The following GABRB1 variants were observed in gnomAD, a reference collection of about 807,000 sequenced individuals.
GABRB1 encodes gamma-aminobutyric acid receptor subunit beta-1.
In GABRB1, 17 loss-of-function variants were observed where a neutral mutation model predicts 51.6. That is an observed-to-expected ratio of 0.33 (90% confidence interval 0.23 to 0.49). The LOEUF (loss-of-function observed/expected upper bound fraction) is 0.49. Among genes scored for constraint, GABRB1 ranks in the 20% least tolerant of loss-of-function variants. The probability of loss-of-function intolerance (pLI) is 0.99; values close to 1 mark genes in which losing one functional copy is unlikely to be tolerated. For missense variants in GABRB1, 410 were observed against 600.6 expected, an observed-to-expected ratio of 0.68 and a Z score of 3.32; for synonymous variants, 247 against 218.9, an observed-to-expected ratio of 1.13 and a Z score of -1.14.
chr4:47,201,959 C>G (rs1192893718), intron 4 of GABRB1, among the ~76,000 whole-genome samples: 2 of 152,112 alleles, frequency 1.3e-5, no homozygotes. Flanking sequence ...CCCCCAACCC[C>G]AGCCAAGTAT....
In GABRB1 at chr4:47,132,418, TTTGGTTTGGTTTGG is replaced by T. The variant is rs1434024433; in HGVS notation, c.241-28828_241-28815del. 1.6e-3 allele frequency among the ~76,000 whole-genome samples: 248 copies of T among 151,580 alleles called. 1 individual carries two copies. Among genetic ancestry groups the T allele is most frequent in the African/African-American group, 5.4e-3 (224 of 41,242 alleles). Reference sequence around the variant, plus strand: ...TTTGGTTTGGTTTGGTTTGGTTTGGTTTGGTTTGGTTTGGTTTGGTTTGGTTTGGATTGCATCAC... The same window carrying T: ...TTTGGTTTGGTTTGGTTTGGTTTGGTTTTGGTTTGGTTTGGATTGCATCAC... On this transcript the variant is annotated intron_variant, in intron 3 of 8. Coordinates refer to ENST00000295454, the MANE Select transcript of GABRB1 (RefSeq NM_000812.4).
intron 4 of GABRB1, among the ~76,000 whole-genome samples, chr4:47,195,988 C>T (rs1194882783): frequency 6.6e-6 from 1 of 152,196 alleles, no homozygotes; most frequent in African/African-American, 2.4e-5. Context: ...CTAGACATTC[C>T]TGCTTGTGTG....
At chr4:47,200,152 A>C (rs113426769) in intron 4 of GABRB1, among the ~76,000 whole-genome samples, 4 of 152,322 alleles carry the variant, frequency 2.6e-5, no homozygotes, top group African/African-American at 4.8e-5. Flanking sequence ...AGACACAATG[A>C]GAAGCTGGTA....
At chr4:47,225,275 G>A (rs771681008) in intron 4 of GABRB1, among the ~76,000 whole-genome samples, 2 of 152,078 alleles carry the variant, frequency 1.3e-5, no homozygotes, top group Non-Finnish European at 2.9e-5. Flanking sequence ...TCCATGCCGC[G>A]GAATTATAGA....
At chr4:47,030,011 C>T (rs141365386), upstream of GABRB1, among the ~76,000 whole-genome samples, 1,243 of 152,060 alleles carry the variant, frequency 8.2e-3, 14 homozygotes, top group African/African-American at 0.028. Flanking sequence ...CTTTTATTTA[C>T]CCCCTCATTC....
At chr4:47,019,941 T>TGTATAC (rs1238261948) in intron 1 of GABRB1, among the ~76,000 whole-genome samples, 6 of 146,632 alleles carry the variant, frequency 4.1e-5, no homozygotes, top group East Asian at 4.1e-4. Context: ...TATACGTATA[T>TGTATAC]GTATATGTAT....
chr4:47,378,302 GC>G (rs1727462276), intron 5 of GABRB1, among the ~76,000 whole-genome samples: 1 of 152,228 alleles, frequency 6.6e-6, no homozygotes, highest in Non-Finnish European at 1.5e-5. Context: ...TAGGTGCTAA[GC>G]CCCTCATTGC....
intron 3 of GABRB1, among the ~76,000 whole-genome samples, chr4:47,140,138 ACAC>A (rs1716866252): frequency 7.1e-6 from 1 of 141,320 alleles, no homozygotes; most frequent in Non-Finnish European, 1.5e-5. Context: ...ACACACACAC[ACAC>A]AAGATTCCAA....
intron 4 of GABRB1, among the ~76,000 whole-genome samples, chr4:47,222,736 A>AGTT (rs1053687106): frequency 3.3e-4 from 51 of 152,256 alleles, no homozygotes; most frequent in African/African-American, 1.2e-3. Context: ...CAAACAAAAC[A>AGTT]GTTGTCTTAA....
chr4:47,312,554 T>C (rs1214161880), intron 4 of GABRB1, among the ~76,000 whole-genome samples: 1 of 152,186 alleles, frequency 6.6e-6, no homozygotes, highest in Non-Finnish European at 1.5e-5. Flanking sequence ...CTTCAAACAC[T>C]CTATTGAGTG....
chr4:47,335,599 A>C (rs930700826), intron 5 of GABRB1, among the ~76,000 whole-genome samples: 4 of 152,192 alleles, frequency 2.6e-5, no homozygotes, highest in Non-Finnish European at 5.9e-5. Flanking sequence ...TCCTAGTTTA[A>C]TGAAGTTTAA....
chr4:47,341,814 G>T (rs1725910639), intron 5 of GABRB1, among the ~76,000 whole-genome samples: 1 of 152,068 alleles, frequency 6.6e-6, no homozygotes. Context: ...AACATCCCCT[G>T]CAATAAATAG....
At chr4:47,315,359 T>C (rs1393363164) in intron 4 of GABRB1, among the ~76,000 whole-genome samples, 2 of 152,130 alleles carry the variant, frequency 1.3e-5, no homozygotes, top group East Asian at 3.9e-4. Flanking sequence ...AGAATGGCTA[T>C]TATTAGAAAG....
chr4:47,201,978 C>T (rs1472949033), intron 4 of GABRB1, among the ~76,000 whole-genome samples: 1 of 152,086 alleles, frequency 6.6e-6, no homozygotes, highest in African/African-American at 2.4e-5. Flanking sequence ...ATAAACTGTC[C>T]TCCTTCCACA....
chr4:47,010,240 G>C (rs1724546333), intron 1 of GABRB1, among the ~76,000 whole-genome samples: 1 of 152,174 alleles, frequency 6.6e-6, no homozygotes, highest in South Asian at 2.1e-4. Flanking sequence ...AAATGTTTAA[G>C]ATGTAATCAG....
chr4:47,045,930 C>T (rs1210676277), intron 3 of GABRB1, among the ~76,000 whole-genome samples: 1 of 152,068 alleles, frequency 6.6e-6, no homozygotes, highest in Non-Finnish European at 1.5e-5. Flanking sequence ...TGTGTCCCCA[C>T]TCAAATCTTA....
intron 5 of GABRB1, among the ~76,000 whole-genome samples, chr4:47,352,096 G>A (rs1174875445): frequency 6.6e-6 from 1 of 151,994 alleles, no homozygotes; most frequent in African/African-American, 2.4e-5. Context: ...TTTAATGATT[G>A]CCATTCTAAC....
At chr4:47,309,806 T>G (rs1724602080) in intron 4 of GABRB1, among the ~76,000 whole-genome samples, 1 of 152,136 alleles carries the variant, frequency 6.6e-6, no homozygotes, top group Non-Finnish European at 1.5e-5. Context: ...CATCTATAAT[T>G]TTCTGTATTT....
intron 3 of GABRB1, among the ~76,000 whole-genome samples, chr4:47,097,343 G>A (rs920562577): frequency 3.9e-5 from 6 of 152,116 alleles, no homozygotes; most frequent in African/African-American, 1.4e-4. Context: ...TCTCTACACG[G>A]AAAAATCACT....
Sources: allele counts gnomAD v4.1 joint callset (sites outside exome capture counted in the v4.1 genomes callset), GRCh38; gene constraint gnomAD v4.1.1; transcripts MANE v1.5; gene names NCBI Gene and HGNC (gene_info 2026-07-23, HGNC 2026-07-21).